The following EXOC6B variants were observed in gnomAD, a reference collection of about 807,000 sequenced individuals.
The protein encoded by EXOC6B is SEC15 homolog B.
In EXOC6B, 54 loss-of-function variants were observed where a neutral mutation model predicts 113.5. The observed-to-expected ratio is 0.48, with a 90% CI of 0.38 to 0.60. The LOEUF (loss-of-function observed/expected upper bound fraction) is 0.60, where lower values mean the gene tolerates loss of function less well. EXOC6B is among the 20% of genes least tolerant of loss of function. The pLI, the probability that EXOC6B is intolerant of heterozygous loss-of-function variation, is 0.00. For synonymous variants in EXOC6B, 357 were observed against 339.0 expected, an observed-to-expected ratio of 1.05 and a Z score of -0.58; for missense variants, 797 against 977.5, an observed-to-expected ratio of 0.82 and a Z score of 2.46.
At chr2:72,798,521 A>G (rs1484792236) in intron 1 of EXOC6B, among the ~76,000 whole-genome samples, 1 of 152,196 alleles carries the variant, frequency 6.6e-6, no homozygotes, top group Non-Finnish European at 1.5e-5. Context: ...TATTTGTGAG[A>G]CACCTAAGCA....
intron 18 of EXOC6B, among the ~76,000 whole-genome samples, chr2:72,424,221 GATGT>G (rs1695077937): frequency 6.6e-6 from 1 of 151,662 alleles, no homozygotes. Flanking sequence ...CCATCCAGAA[GATGT>G]AATTAACAGG....
At chr2:72,422,524 ATC>A (rs1322186155) in intron 18 of EXOC6B, among the ~76,000 whole-genome samples, 2 of 151,850 alleles carry the variant, frequency 1.3e-5, no homozygotes, top group Non-Finnish European at 2.9e-5. Flanking sequence ...GACACTCTGT[ATC>A]TAGCTGCTCT....
intron 5 of EXOC6B, among the ~76,000 whole-genome samples, chr2:72,726,160 T>C (rs973007355): frequency 2.6e-5 from 4 of 152,184 alleles, no homozygotes; most frequent in Admixed American, 2.6e-4. Flanking sequence ...ATTCCATTTA[T>C]ATGAGATGTT....
chr2:72,404,436 A>G (rs1366659453), intron 18 of EXOC6B, among the ~76,000 whole-genome samples: 3 of 152,214 alleles, frequency 2.0e-5, no homozygotes, highest in East Asian at 3.9e-4. Context: ...GACCCCGAGT[A>G]GCCTAACTGG....
intron 18 of EXOC6B, among the ~76,000 whole-genome samples, chr2:72,425,496 T>C (rs1290809661): frequency 6.6e-6 from 1 of 152,186 alleles, no homozygotes; most frequent in Non-Finnish European, 1.5e-5. Context: ...TTTCCATTTA[T>C]ATACATCAAA....
intron 6 of EXOC6B, among the ~76,000 whole-genome samples, chr2:72,701,995 T>C (rs531694062): frequency 2.6e-5 from 4 of 151,962 alleles, no homozygotes; most frequent in African/African-American, 7.2e-5. Context: ...TATGTATACA[T>C]GTGCCATGCT....
chr2:72,475,112 G>A (rs535900608), intron 17 of EXOC6B, among the ~76,000 whole-genome samples: 1 of 152,074 alleles, frequency 6.6e-6, no homozygotes, highest in African/African-American at 2.4e-5. Context: ...CAGGTAGGTC[G>A]GTCTTTGAGC....
chr2:72,583,725 TG>T, intron 6 of EXOC6B, among the ~76,000 whole-genome samples: 1 of 138,950 alleles, frequency 7.2e-6, no homozygotes, highest in African/African-American at 3.3e-5. Flanking sequence ...TTTTTGTTTT[TG>T]TTTTTGTTTT....
intron 12 of EXOC6B, among the ~76,000 whole-genome samples, chr2:72,498,874 C>G (rs1334036012): frequency 6.6e-6 from 1 of 152,080 alleles, no homozygotes; most frequent in Non-Finnish European, 1.5e-5. Context: ...AGTAAGCGTT[C>G]ACAGAAGGGA....
At chr2:72,432,491 G>C (rs1278881955) in intron 18 of EXOC6B, among the ~76,000 whole-genome samples, 1 of 152,134 alleles carries the variant, frequency 6.6e-6, no homozygotes, top group Non-Finnish European at 1.5e-5. Context: ...GATCCTTGAG[G>C]AATCACCACA....
intron 8 of EXOC6B, among the ~76,000 whole-genome samples, chr2:72,548,944 G>A (rs1022947723): frequency 5.3e-5 from 8 of 152,008 alleles, no homozygotes; most frequent in Admixed American, 1.3e-4. Flanking sequence ...CCCGGGAGGC[G>A]GAGCTTGCAG....
intron 18 of EXOC6B, among the ~76,000 whole-genome samples, chr2:72,416,927 A>T (rs905658973): frequency 4.6e-5 from 7 of 152,114 alleles, no homozygotes; most frequent in African/African-American, 1.7e-4. Flanking sequence ...TAACAATACC[A>T]CATACTCGTT....
At chr2:72,179,509 G>A (rs1476555761) in intron 21 of EXOC6B, 48 bp from the exon 22 acceptor site, 2 of 1,610,658 alleles carry the variant, frequency 1.2e-6, no homozygotes, top group East Asian at 4.5e-5. Flanking sequence ...AGGAAACAAT[G>A]GTGGAAGGAG....
intron 1 of EXOC6B, among the ~76,000 whole-genome samples, chr2:72,787,680 T>C (rs765124079): frequency 9.2e-5 from 14 of 152,152 alleles, no homozygotes; most frequent in African/African-American, 1.4e-4. Flanking sequence ...TGAGACAGGG[T>C]CTCACTCTGC....
At chr2:72,415,520 CTTT>C (rs1250123251) in intron 18 of EXOC6B, among the ~76,000 whole-genome samples, 1 of 141,370 alleles carries the variant, frequency 7.1e-6, no homozygotes. Flanking sequence ...TCTGTGGTTT[CTTT>C]TTTTTTTTTT....
chr2:72,270,856 G>T (rs1356664789), intron 20 of EXOC6B, among the ~76,000 whole-genome samples: 3 of 152,142 alleles, frequency 2.0e-5, no homozygotes, highest in East Asian at 3.9e-4. Context: ...TCACCTAAAT[G>T]GTTCCTTCCC....
intron 19 of EXOC6B, among the ~76,000 whole-genome samples, chr2:72,365,988 AAATAT>A (rs1690602595): frequency 6.6e-6 from 1 of 152,184 alleles, no homozygotes; most frequent in Non-Finnish European, 1.5e-5. Flanking sequence ...TGTGCAAACA[AAATAT>A]AATATTATTT....
intron 8 of EXOC6B, among the ~76,000 whole-genome samples, chr2:72,539,217 G>A (rs1454068825): frequency 6.6e-6 from 1 of 152,060 alleles, no homozygotes; most frequent in Non-Finnish European, 1.5e-5. Context: ...GAAGGGGGAG[G>A]GGAGCATCTA....
chr2:72,314,027 A>C (rs1343980274), intron 20 of EXOC6B, among the ~76,000 whole-genome samples: 1 of 152,218 alleles, frequency 6.6e-6, no homozygotes, highest in Non-Finnish European at 1.5e-5. Context: ...GCATGAGGAA[A>C]GTAACAGAAG....
Sources: allele counts gnomAD v4.1 joint callset (sites outside exome capture counted in the v4.1 genomes callset), GRCh38; gene constraint gnomAD v4.1.1; transcripts MANE v1.5; gene names NCBI Gene and HGNC (gene_info 2026-07-23, HGNC 2026-07-21).